Variants in RABEP1 observed in about 807,000 individuals in gnomAD.
RABEP1 encodes the protein rab GTPase-binding effector protein 1.
RABEP1 carries 51 observed loss-of-function variants against 123.4 expected under a neutral mutation model. That is an observed-to-expected ratio of 0.41 (90% confidence interval 0.33 to 0.52). The LOEUF is 0.52. Ranked by LOEUF, RABEP1 falls within the 20% of genes least tolerant of loss-of-function variation. RABEP1 has a pLI of 0.16. For missense variants in RABEP1, 888 were observed against 996.3 expected, an observed-to-expected ratio of 0.89 and a Z score of 1.46; for synonymous variants, 347 against 355.2, an observed-to-expected ratio of 0.98 and a Z score of 0.26.
chr17:5,345,533 T>C (rs1055106127), intron 5 of RABEP1, among the ~76,000 whole-genome samples: 3 of 152,332 alleles, frequency 2.0e-5, no homozygotes, highest in South Asian at 2.1e-4. Context: ...TAATAACTGG[T>C]AGAATTAGTG....
At chr17:5,283,289 T>C (rs907496047) in intron 1 of RABEP1, among the ~76,000 whole-genome samples, 3 of 151,938 alleles carry the variant, frequency 2.0e-5, no homozygotes, top group Non-Finnish European at 4.4e-5. Context: ...TACTTGAAGA[T>C]ATTTGCTTGT....
intron 1 of RABEP1, among the ~76,000 whole-genome samples, chr17:5,297,103 G>A (rs1042700569): frequency 1.3e-5 from 2 of 151,930 alleles, no homozygotes; most frequent in African/African-American, 4.8e-5. Context: ...AACTGATACT[G>A]CAGTCAATAT....
chr17:5,298,935 G>A (rs1472906890), intron 1 of RABEP1, among the ~76,000 whole-genome samples: 1 of 151,778 alleles, frequency 6.6e-6, no homozygotes, highest in Non-Finnish European at 1.5e-5. Flanking sequence ...GATTACAGGC[G>A]TGAGCCACTG....
At chr17:5,358,527 G>A (rs1240487649) in intron 8 of RABEP1, among the ~76,000 whole-genome samples, 23 of 152,124 alleles carry the variant, frequency 1.5e-4, no homozygotes, top group South Asian at 2.1e-4. Flanking sequence ...AAAATTAGTC[G>A]TGCATGGTGT....
At chr17:5,299,983 C>G (rs1182465487) in intron 1 of RABEP1, among the ~76,000 whole-genome samples, 1 of 151,938 alleles carries the variant, frequency 6.6e-6, no homozygotes, top group Non-Finnish European at 1.5e-5. Context: ...CCACCTCGGC[C>G]TCCCAAAGTG....
At chr17:5,355,320 C>A (rs1908922509) in intron 8 of RABEP1, among the ~76,000 whole-genome samples, 1 of 152,186 alleles carries the variant, frequency 6.6e-6, no homozygotes, top group Admixed American at 6.5e-5. Flanking sequence ...ACTTTCCTCC[C>A]ATTGCCTTTC....
At chr17:5,344,771 C>CAAAAA (rs1177790100) in intron 5 of RABEP1, among the ~76,000 whole-genome samples, 3 of 46,930 alleles carry the variant, frequency 6.4e-5, no homozygotes, top group African/African-American at 1.8e-4. Flanking sequence ...GACACTGTCT[C>CAAAAA]AAAAAAAAAA....
intron 13 of RABEP1, among the ~76,000 whole-genome samples, chr17:5,376,479 T>C (rs1181417365): frequency 6.6e-6 from 1 of 152,216 alleles, no homozygotes; most frequent in Non-Finnish European, 1.5e-5. Context: ...GTTTTTACTT[T>C]AGAGTTGCTT....
chr17:5,346,822 G>T lies in RABEP1; in HGVS notation c.681G>T (p.Glu227Asp). ...AACTGAATCATTATCTGGAAGCTGA[G>T]AAATCTTGTAGGACTGATCTAGAGA... ...VKELNHYLEA[E>D]KSCRTDLEMY... Residue 227 changes from glutamate (E) to aspartate (D), a missense_variant, in exon 6 of 18, where the codon GAG (glutamate) becomes GAT (aspartate). Glu to Asp is a conservative substitution (Grantham distance 45). Coordinates refer to ENST00000537505, the MANE Select transcript of RABEP1 (RefSeq NM_004703.6). 2 of 1,579,836 alleles carry T rather than the reference G, an allele frequency of 1.3e-6. No individual in the cohort carries two copies. Among genetic ancestry groups the T allele is most frequent in the Non-Finnish European group, 8.6e-7 (1 of 1,160,360 alleles).
At chr17:5,377,426 C>A in intron 14 of RABEP1, 121 bp downstream of exon 14, 1 of 600,076 alleles carries the variant, frequency 1.7e-6, no homozygotes, top group Non-Finnish European at 2.6e-6. Flanking sequence ...TTAGTAAGGA[C>A]TCAGTCCATT....
chr17:5,283,627 G>C (rs1315302770), intron 1 of RABEP1, among the ~76,000 whole-genome samples: 1 of 152,192 alleles, frequency 6.6e-6, no homozygotes, highest in Non-Finnish European at 1.5e-5. Context: ...AAGGGGCTTG[G>C]TACGGAGTAG....
chr17:5,374,108 C>A (rs1910774257), intron 13 of RABEP1, among the ~76,000 whole-genome samples: 1 of 152,042 alleles, frequency 6.6e-6, no homozygotes, highest in Non-Finnish European at 1.5e-5. Context: ...TATCTGTCAC[C>A]CAGGCTGGAG....
At chr17:5,311,498 C>T (rs1422455420) in intron 2 of RABEP1, among the ~76,000 whole-genome samples, 1 of 151,616 alleles carries the variant, frequency 6.6e-6, no homozygotes, top group Non-Finnish European at 1.5e-5. Context: ...AGTTCGAGAC[C>T]AGCTGGGCCA....
At chr17:5,371,417 A>G (rs1012306276) in intron 12 of RABEP1, 1 of 152,094 alleles carries the variant, frequency 6.6e-6, no homozygotes, top group Non-Finnish European at 1.5e-5. Context: ...ACTCACTCTT[A>G]TACGTAATTA....
chr17:5,361,496 A>T lies in RABEP1; in HGVS notation c.1384A>T (p.Met462Leu), dbSNP rs756060535. ...TACTGCATCCCTTGGGTCACTCCAGATGCCAAGTGGGTTTATGTTAACCAA... is the reference window on the plus strand; with the variant it reads ...TACTGCATCCCTTGGGTCACTCCAGTTGCCAAGTGGGTTTATGTTAACCAA... ...FDTASLGSLQ[M>L]PSGFMLTKDQ... Residue 462 changes from methionine (M) to leucine (L), a missense_variant, in exon 9 of 18, where the codon ATG (methionine) becomes TTG (leucine). Coordinates refer to ENST00000537505, the MANE Select transcript of RABEP1 (RefSeq NM_004703.6). 9 of 1,614,232 alleles carry T rather than the reference A, an allele frequency of 5.6e-6. No homozygotes were observed. The highest frequency in any genetic ancestry group is 7.6e-6 in the Non-Finnish European group (9 of 1,180,034).
At chr17:5,374,023 C>T (rs909889052) in intron 13 of RABEP1, among the ~76,000 whole-genome samples, 6 of 152,034 alleles carry the variant, frequency 3.9e-5, no homozygotes, top group Non-Finnish European at 8.8e-5. Context: ...GTATCTAGTA[C>T]TTGAAAAGTT....
chr17:5,377,587 C>T (rs1414468058), intron 14 of RABEP1, among the ~76,000 whole-genome samples: 5 of 134,380 alleles, frequency 3.7e-5, no homozygotes, highest in East Asian at 2.2e-4. Context: ...AGTGCAATGG[C>T]GCGATCTTGG....
rs1447950082 is a variant in RABEP1, at chr17:5,331,874, T to TA, written c.164-74dup. 4.5e-6 allele frequency: 6 copies of TA among 1,328,120 alleles called. No homozygotes were observed. The Admixed American group carries it at 1.2e-4, about 27-fold the overall frequency. The allele number at this position is 1,328,120 out of a possible 1,614,324, so 82.3% of individuals were successfully genotyped here. A position where few individuals can be genotyped will look rare whatever the true frequency, so the allele number is the denominator to read the frequency against. ...TGTATGTTTATATTTTAAAATTTAATACCTTATTTCTTTATTGGAATGCCA... is the reference window on the plus strand; with the variant it reads ...TGTATGTTTATATTTTAAAATTTAATAACCTTATTTCTTTATTGGAATGCCA... On this transcript the variant is annotated intron_variant, in intron 2 of 17. Transcript: ENST00000537505.
Position 5,324,141 on chromosome 17 carries a change from A to G in RABEP1, c.164-7808A>G, listed in dbSNP as rs574505914. On this transcript the variant is annotated intron_variant, in intron 2 of 17. Transcript: ENST00000537505. ...CTGTATAGCCAAAGCTATACTTAGC[A>G]AAGGTAACAAAGCTGGAGGAATCAC... 2.5e-4 allele frequency among the ~76,000 whole-genome samples: 38 copies of G among 152,264 alleles called. 1 individual carries two copies. The highest frequency in any genetic ancestry group is 9.1e-4 in the African/African-American group (38 of 41,570).
Sources: gnomAD v4.1 joint callset for allele counts (sites outside exome capture counted in the v4.1 genomes callset) on GRCh38, gnomAD v4.1.1 for gene constraint, MANE v1.5 for transcripts, NCBI Gene and HGNC (gene_info 2026-07-23, HGNC 2026-07-21) for gene names.